The following MBNL2 variants were observed in gnomAD, a reference collection of about 807,000 sequenced individuals.
MBNL2 encodes muscleblind like splicing regulator 2.
A neutral mutation model predicts 41.9 loss-of-function variants in MBNL2; 17 were observed. That is an observed-to-expected ratio of 0.41 (90% CI 0.28 to 0.61). The LOEUF (loss-of-function observed/expected upper bound fraction) is 0.61. Ranked by LOEUF, MBNL2 falls within the 20% of genes least tolerant of loss-of-function variation. The pLI, the probability that MBNL2 is intolerant of heterozygous loss-of-function variation, is 0.35. For synonymous variants in MBNL2, 195 were observed against 182.9 expected, an observed-to-expected ratio of 1.07 and a Z score of -0.53; for missense variants, 336 against 505.6, an observed-to-expected ratio of 0.66 and a Z score of 3.22.
At chr13:97,344,803 C>G (rs190784667) in intron 4 of MBNL2, among the ~76,000 whole-genome samples, 12 of 152,306 alleles carry the variant, frequency 7.9e-5, no homozygotes, top group Admixed American at 7.8e-4. Context: ...GAATTGGGAA[C>G]AAATTGTCCT....
chr13:97,168,853 G>C, the MBNL2 span, among the ~76,000 whole-genome samples: 2 of 152,152 alleles, frequency 1.3e-5, no homozygotes, highest in South Asian at 2.1e-4. Flanking sequence ...AATTTACAAA[G>C]TGCTTTCTCA....
chr13:97,315,545 G>A (rs1454516060), intron 2 of MBNL2, among the ~76,000 whole-genome samples: 2 of 152,200 alleles, frequency 1.3e-5, no homozygotes, highest in Non-Finnish European at 2.9e-5. Flanking sequence ...GATTGTTACA[G>A]ACATGCAGAG....
At chr13:97,189,716 T>C in the MBNL2 span, among the ~76,000 whole-genome samples, 862 of 152,326 alleles carry the variant, frequency 5.7e-3, 7 homozygotes, top group Middle Eastern at 0.02. Flanking sequence ...TGTGGACACA[T>C]ACATGTTTTG....
At chr13:97,383,400 C>T (rs867049969) in intron 8 of MBNL2, among the ~76,000 whole-genome samples, 3 of 152,210 alleles carry the variant, frequency 2.0e-5, no homozygotes, top group Non-Finnish European at 2.9e-5. Flanking sequence ...GGTCAGTAAT[C>T]TTCAGCGAGG....
At chr13:97,239,040 T>A (rs17301341) in intron 1 of MBNL2, among the ~76,000 whole-genome samples, 3,907 of 152,288 alleles carry the variant, frequency 0.026, 93 homozygotes, top group South Asian at 0.12. Flanking sequence ...AAATAACCGT[T>A]TCGGAGAGGG....
intron 8 of MBNL2, among the ~76,000 whole-genome samples, chr13:97,383,483 T>G (rs1439831063): frequency 6.6e-6 from 1 of 152,224 alleles, no homozygotes; most frequent in Admixed American, 6.5e-5. Context: ...TTAGTATATC[T>G]AAAAATATTT....
the MBNL2 span, among the ~76,000 whole-genome samples, chr13:97,213,890 C>G: frequency 6.8e-6 from 1 of 147,618 alleles, no homozygotes; most frequent in Non-Finnish European, 1.5e-5. Context: ...TGTCATCACA[C>G]TACAATAACA....
chr13:97,372,333 C>G (rs565778679), intron 8 of MBNL2, among the ~76,000 whole-genome samples: 4 of 152,100 alleles, frequency 2.6e-5, no homozygotes, highest in African/African-American at 9.7e-5. Context: ...GAACTCTCCT[C>G]CAAAGATTAA....
chr13:97,221,299 G>A (rs2040837718), upstream of MBNL2: 1 of 151,950 alleles, frequency 6.6e-6, no homozygotes, highest in Non-Finnish European at 1.5e-5. Flanking sequence ...ATGTATGCTT[G>A]TTGTGTTTGC....
At chr13:97,274,695 C>T (rs1364326086) in intron 1 of MBNL2, among the ~76,000 whole-genome samples, 1 of 152,102 alleles carries the variant, frequency 6.6e-6, no homozygotes, top group Non-Finnish European at 1.5e-5. Context: ...AACTTCTGGA[C>T]TTTAGTCCTT....
intron 2 of MBNL2, among the ~76,000 whole-genome samples, chr13:97,295,749 A>T (rs2056914673): frequency 6.6e-6 from 1 of 152,196 alleles, no homozygotes; most frequent in African/African-American, 2.4e-5. Context: ...AACTGTTAAC[A>T]TACATTTAAA....
chr13:97,273,107 T>C (rs1047808554), intron 1 of MBNL2, among the ~76,000 whole-genome samples: 1 of 152,226 alleles, frequency 6.6e-6, no homozygotes, highest in African/African-American at 2.4e-5. Context: ...GTTTACCTCT[T>C]TCTTTTCCTC....
At chr13:97,329,107 C>T (rs897151945) in intron 2 of MBNL2, among the ~76,000 whole-genome samples, 8 of 152,116 alleles carry the variant, frequency 5.3e-5, no homozygotes, top group Non-Finnish European at 1.2e-4. Flanking sequence ...TGTCGAGAAT[C>T]AACATGAGTA....
chr13:97,200,709 C>T, the MBNL2 span, among the ~76,000 whole-genome samples: 1 of 152,112 alleles, frequency 6.6e-6, no homozygotes, highest in African/African-American at 2.4e-5. Flanking sequence ...ATTATAGCAC[C>T]TACAGACACC....
the MBNL2 span, among the ~76,000 whole-genome samples, chr13:97,191,285 G>A: frequency 6.6e-6 from 1 of 151,178 alleles, no homozygotes; most frequent in African/African-American, 2.4e-5. Context: ...ACCCTTTGCA[G>A]TGGGGAGGAG....
At chr13:97,340,356 T>C (rs1389603828) in intron 3 of MBNL2, among the ~76,000 whole-genome samples, 1 of 152,224 alleles carries the variant, frequency 6.6e-6, no homozygotes, top group African/African-American at 2.4e-5. Flanking sequence ...AAATATTTTT[T>C]TCAGTCCACA....
chr13:97,265,444 G>A (rs997819032), intron 1 of MBNL2, among the ~76,000 whole-genome samples: 5 of 152,072 alleles, frequency 3.3e-5, no homozygotes, highest in African/African-American at 9.7e-5. Context: ...TGTCAGACAC[G>A]GTTCTTTCTC....
chr13:97,154,881 G>C, the MBNL2 span, among the ~76,000 whole-genome samples: 2 of 152,032 alleles, frequency 1.3e-5, no homozygotes, highest in African/African-American at 2.4e-5. Flanking sequence ...GGCTGAAAGA[G>C]GTGATTCTAA....
chr13:97,238,126 T>C (rs1486287507), intron 1 of MBNL2, among the ~76,000 whole-genome samples: 3 of 152,182 alleles, frequency 2.0e-5, no homozygotes, highest in Non-Finnish European at 4.4e-5. Context: ...AGTCGGAATG[T>C]CCTCTGAGAA....
Sources: allele counts gnomAD v4.1 joint callset (sites outside exome capture counted in the v4.1 genomes callset), GRCh38; gene constraint gnomAD v4.1.1; transcripts MANE v1.5; gene names NCBI Gene and HGNC (gene_info 2026-07-23, HGNC 2026-07-21).